RNF150: variants seen among roughly 807,000 people sequenced by gnomAD.
RNF150 encodes ring finger protein 150.
A neutral mutation model predicts 39.3 loss-of-function variants in RNF150; 24 were observed. The observed-to-expected ratio is 0.61, with a 90% CI of 0.44 to 0.86. The LOEUF is 0.86. Among genes scored for constraint, RNF150 ranks in the 40% least tolerant of loss-of-function variants. RNF150 has a pLI of 0.00. For missense variants in RNF150, 502 were observed against 587.8 expected, an observed-to-expected ratio of 0.85 and a Z score of 1.51; for synonymous variants, 255 against 227.3, an observed-to-expected ratio of 1.12 and a Z score of -1.10.
chr4:140,868,822 A>G (rs918228041), intron 6 of RNF150, among the ~76,000 whole-genome samples: 2 of 152,214 alleles, frequency 1.3e-5, no homozygotes, highest in African/African-American at 4.8e-5. Flanking sequence ...TTTTAAATCA[A>G]TAAGAAAAAC....
chr4:141,193,632 ATCT>A (rs1049581444), intron 1 of RNF150, among the ~76,000 whole-genome samples: 1 of 152,258 alleles, frequency 6.6e-6, no homozygotes, highest in East Asian at 1.9e-4. Context: ...TGACAAAAAC[ATCT>A]TCTGCCTCCA....
rs531655507 is a variant in RNF150, at chr4:140,934,071, C to T, written c.891-7998G>A. On this transcript the variant is annotated intron_variant, in intron 4 of 6. Coordinates refer to ENST00000515673, the MANE Select transcript of RNF150 (RefSeq NM_020724.2). ...ATTGCCCAGCTGGACAGTGCAGTGG[C>T]GTGATCTAGGCTCACTGCCACCTCC... Among the ~76,000 whole-genome samples, 6 of 152,298 alleles carry T rather than the reference C, an allele frequency of 3.9e-5. No individual in the cohort carries two copies. The South Asian group carries it at 1.2e-3, about 32-fold the overall frequency.
intron 6 of RNF150, among the ~76,000 whole-genome samples, chr4:140,902,635 T>G (rs1383351732): frequency 1.3e-5 from 2 of 152,248 alleles, no homozygotes; most frequent in East Asian, 3.8e-4. Flanking sequence ...TATTTTGGCT[T>G]AAATAACATG....
intron 1 of RNF150, among the ~76,000 whole-genome samples, chr4:141,185,328 C>T (rs1342180725): frequency 1.3e-5 from 2 of 151,920 alleles, no homozygotes; most frequent in Non-Finnish European, 1.5e-5. Context: ...TGGCTGTCTG[C>T]TTGTCTATTA....
intron 4 of RNF150, among the ~76,000 whole-genome samples, chr4:140,941,802 A>T (rs77329477): frequency 0.028 from 4,196 of 152,292 alleles, 70 homozygotes; most frequent in East Asian, 0.053. Flanking sequence ...TTATAACAAT[A>T]GCAATAGCAA....
chr4:141,079,571 G>A (rs1339142390), intron 1 of RNF150, among the ~76,000 whole-genome samples: 1 of 152,170 alleles, frequency 6.6e-6, no homozygotes, highest in Non-Finnish European at 1.5e-5. Context: ...CTTGCACAAG[G>A]TGAGTACTGT....
chr4:141,061,274 T>A (rs1219352075), intron 1 of RNF150, among the ~76,000 whole-genome samples: 1 of 152,224 alleles, frequency 6.6e-6, no homozygotes, highest in Non-Finnish European at 1.5e-5. Flanking sequence ...AATTTTCATT[T>A]TTTATGACTG....
chr4:141,112,451 T>C lies in RNF150; in HGVS notation c.484+19874A>G, dbSNP rs150389528. 7.5e-3 allele frequency among the ~76,000 whole-genome samples: 1,139 copies of C among 152,312 alleles called. 7 individuals carry two copies. Among genetic ancestry groups the C allele is most frequent in the African/African-American group, 0.02 (851 of 41,564 alleles). On this transcript the variant is annotated intron_variant, in intron 1 of 6. Coordinates refer to ENST00000515673, the MANE Select transcript of RNF150 (RefSeq NM_020724.2). ...GACAAAATCTCTCAGCATTTGCTTG[T>C]CTGTAAAGGATGTTATTTTCTCCTT...
intron 1 of RNF150, among the ~76,000 whole-genome samples, chr4:140,969,784 CAG>C (rs1733391332): frequency 1.1e-5 from 1 of 92,476 alleles, no homozygotes; most frequent in South Asian, 3.7e-4. Flanking sequence ...TTTTTTGAGA[CAG>C]AGTCTTGCTC....
At chr4:141,043,755 C>A (rs1736458154) in intron 1 of RNF150, among the ~76,000 whole-genome samples, 1 of 151,914 alleles carries the variant, frequency 6.6e-6, no homozygotes, top group Non-Finnish European at 1.5e-5. Context: ...ATCATCTCTT[C>A]TATATTATGG....
intron 1 of RNF150, among the ~76,000 whole-genome samples, chr4:141,181,015 G>T (rs1727901230): frequency 6.6e-6 from 1 of 152,172 alleles, no homozygotes; most frequent in African/African-American, 2.4e-5. Flanking sequence ...GATATAGATA[G>T]AAAGTCCCCA....
chr4:141,026,063 T>A (rs1384815143), intron 1 of RNF150, among the ~76,000 whole-genome samples: 1 of 152,144 alleles, frequency 6.6e-6, no homozygotes, highest in Admixed American at 6.5e-5. Flanking sequence ...AAGAGGGACC[T>A]CACCAAGAAC....
intron 1 of RNF150, among the ~76,000 whole-genome samples, chr4:141,209,357 T>C (rs1728425914): frequency 6.6e-6 from 1 of 152,242 alleles, no homozygotes; most frequent in South Asian, 2.1e-4. Flanking sequence ...TATAGTTCAC[T>C]TTTCACTACT....
At chr4:140,962,503 T>C (rs1157514524) in intron 2 of RNF150, among the ~76,000 whole-genome samples, 1 of 151,732 alleles carries the variant, frequency 6.6e-6, no homozygotes, top group East Asian at 1.9e-4. Context: ...CACATATATA[T>C]ATATAAAAGT....
At position 141,032,102 on chromosome 4, in the gene RNF150, A is replaced by G. The variant is rs183272989; in HGVS notation, c.485-64229T>C. Among the ~76,000 whole-genome samples, 13 of 152,220 alleles carry G rather than the reference A, an allele frequency of 8.5e-5. No homozygotes were observed. In the East Asian group the frequency reaches 1.5e-3, roughly 18 times the overall value. ...TACATACACACACAGTGAAATATTC[A>G]GCCTTAAAAAAGAAGGAAATTGTGT... On this transcript the variant is annotated intron_variant, in intron 1 of 6. Transcript: ENST00000515673.
intron 1 of RNF150, among the ~76,000 whole-genome samples, chr4:141,067,589 T>C (rs759576845): frequency 6.6e-6 from 1 of 152,224 alleles, no homozygotes. Flanking sequence ...ATTTAGGGCA[T>C]ATCATCTCCT....
At chr4:141,096,896 A>C (rs1738808051) in intron 1 of RNF150, among the ~76,000 whole-genome samples, 1 of 152,186 alleles carries the variant, frequency 6.6e-6, no homozygotes, top group Admixed American at 6.5e-5. Flanking sequence ...TTTATCCCTA[A>C]ATGGGCTTCA....
At chr4:141,090,325 G>C (rs1738532565) in intron 1 of RNF150, among the ~76,000 whole-genome samples, 2 of 152,132 alleles carry the variant, frequency 1.3e-5, no homozygotes, top group Admixed American at 1.3e-4. Flanking sequence ...GTTATTTGTA[G>C]TGCACCTAAG....
Position 140,863,449 on chromosome 4 carries a change from T to C in RNF150, c.*4812A>G, listed in dbSNP as rs1409715578. On this transcript the variant is annotated 3_prime_UTR_variant, in exon 7 of 7. Coordinates refer to ENST00000515673, the MANE Select transcript of RNF150 (RefSeq NM_020724.2). ...AGGTTTGCCTCATCAGAAGTGAATA[T>C]GGATATTGCTACACAATAAAAAGAG... The C allele has an allele frequency of 6.6e-6, 1 of 152,142 alleles. No homozygotes were observed. Among genetic ancestry groups the C allele is most frequent in the Admixed American group, 6.5e-5 (1 of 15,268 alleles). The allele number at this position is 152,142 out of a possible 1,614,324, so 9.4% of individuals were successfully genotyped here.
Sources: gnomAD v4.1 joint callset for allele counts (sites outside exome capture counted in the v4.1 genomes callset) on GRCh38, gnomAD v4.1.1 for gene constraint, MANE v1.5 for transcripts, NCBI Gene and HGNC (gene_info 2026-07-23, HGNC 2026-07-21) for gene names.